Variants in MALRD1 observed in about 807,000 individuals in gnomAD.
MALRD1 encodes MAM and LDL-receptor class A domain-containing protein 1.
In MALRD1, 247 loss-of-function variants were observed where a neutral mutation model predicts 242.1. The ratio of observed to expected loss-of-function variants is 1.02; its 90% CI spans 0.92 to 1.13. The LOEUF is 1.13. Ranked by LOEUF, MALRD1 falls within the 50% of genes most tolerant of loss-of-function variation. The pLI is 0.00. For synonymous variants in MALRD1, 995 were observed against 866.6 expected (o/e 1.15, Z -2.60); for missense variants, 2,989 against 2,533.1 (o/e 1.18, Z -3.86).
At chr10:19,257,569 G>A (rs1211766332) in intron 18 of MALRD1, 115 bp from the exon 19 acceptor site, 3 of 801,526 alleles carry the variant, frequency 3.7e-6, no homozygotes, top group Middle Eastern at 3.8e-4. Flanking sequence ...TTTTTTAATG[G>A]CACAGAAGGT....
intron 2 of MALRD1, among the ~76,000 whole-genome samples, chr10:19,070,432 A>G (rs1835108490): frequency 6.6e-6 from 1 of 152,160 alleles, no homozygotes; most frequent in African/African-American, 2.4e-5. Context: ...CTAAAGATAT[A>G]TCACTTTTTC....
chr10:19,170,844 C>A (rs944530007), intron 13 of MALRD1, among the ~76,000 whole-genome samples: 2 of 152,054 alleles, frequency 1.3e-5, no homozygotes, highest in Non-Finnish European at 2.9e-5. Flanking sequence ...GCATCATCTT[C>A]ACAGGATTAA....
At chr10:19,662,322 CT>C (rs2131736072) in intron 36 of MALRD1, among the ~76,000 whole-genome samples, 1 of 152,254 alleles carries the variant, frequency 6.6e-6, no homozygotes, top group Admixed American at 6.5e-5. Flanking sequence ...AAAGTCTCCA[CT>C]GAGGCTCTCC....
At chr10:19,601,063 G>A (rs1384588243) in intron 34 of MALRD1, among the ~76,000 whole-genome samples, 1 of 151,996 alleles carries the variant, frequency 6.6e-6, no homozygotes, top group Non-Finnish European at 1.5e-5. Context: ...AACAAAATTT[G>A]TAGAGGTAGG....
upstream of MALRD1, among the ~76,000 whole-genome samples, chr10:19,047,570 G>A (rs1834369361): frequency 1.3e-5 from 2 of 151,990 alleles, no homozygotes; most frequent in Non-Finnish European, 2.9e-5. Flanking sequence ...TAAGGGACAA[G>A]CAAAGAAAAA....
intron 29 of MALRD1, among the ~76,000 whole-genome samples, chr10:19,459,576 G>C (rs1589113690): frequency 6.6e-6 from 1 of 152,020 alleles, no homozygotes; most frequent in East Asian, 1.9e-4. Flanking sequence ...CTATGTGATT[G>C]AGTTTATTAT....
chr10:19,272,203 A>G (rs1031113552), intron 19 of MALRD1, among the ~76,000 whole-genome samples: 13 of 152,052 alleles, frequency 8.5e-5, no homozygotes, highest in Non-Finnish European at 1.9e-4. Flanking sequence ...ATATTAGAGA[A>G]AAAAATTAGA....
chr10:19,537,229 TAAAAGGGCTGTTTGGCTGCTATATGG>T (rs895877914), intron 32 of MALRD1, among the ~76,000 whole-genome samples: 25 of 152,246 alleles, frequency 1.6e-4, no homozygotes, highest in Middle Eastern at 3.4e-3. Context: ...TAAAAATATG[TAAAAGGGCTGTTTGGCTGCTATATGG>T]AAAAGGGCTG....
rs934072625 is a variant in MALRD1, at chr10:19,595,427, T to C, written c.5914T>C (p.Cys1972Arg). The change falls in exon 34 of 40, where the codon TGC (cysteine) becomes CGC (arginine). Residue 1972 changes from cysteine to arginine, a missense_variant. Physicochemically the swap from Cys to Arg is radical, Grantham distance 180. Coordinates refer to ENST00000454679, the MANE Select transcript of MALRD1 (RefSeq NM_001142308.3). ...CCTGCTATGCGATGGAGTGCCCGAC[T>C]GCCACTTTAATGAAGATGAGCTCAT... Reference protein sequence around the residue: ...SLLLCDGVPDCHFNEDELICS... With the variant: ...SLLLCDGVPDRHFNEDELICS... 9 of 1,550,180 alleles carry C rather than the reference T, an allele frequency of 5.8e-6. No homozygotes were observed. In the African/African-American group the frequency reaches 1.2e-4, roughly 21 times the overall value.
intron 36 of MALRD1, among the ~76,000 whole-genome samples, chr10:19,620,310 C>T (rs1051703033): frequency 1.3e-5 from 2 of 152,018 alleles, no homozygotes; most frequent in African/African-American, 2.4e-5. Context: ...TTATCCTCAC[C>T]GTCCTCCCAC....
intron 28 of MALRD1, among the ~76,000 whole-genome samples, chr10:19,410,937 C>T (rs1221059667): frequency 1.3e-5 from 2 of 151,988 alleles, no homozygotes; most frequent in Non-Finnish European, 2.9e-5. Context: ...AGCTATATGA[C>T]CATGTGGATT....
chr10:19,291,068 G>C (rs1409857692), intron 21 of MALRD1, among the ~76,000 whole-genome samples: 3 of 152,142 alleles, frequency 2.0e-5, no homozygotes, highest in Non-Finnish European at 4.4e-5. Context: ...CTGGAATCTA[G>C]AGAGCAAAGT....
At chr10:19,612,348 CCT>C (rs1186306408) in intron 35 of MALRD1, among the ~76,000 whole-genome samples, 5 of 151,796 alleles carry the variant, frequency 3.3e-5, no homozygotes, top group African/African-American at 4.8e-5. Context: ...ACCTTACTCC[CCT>C]GTTTTATGTA....
At chr10:19,715,153 C>T (rs2131885347) in intron 38 of MALRD1, among the ~76,000 whole-genome samples, 1 of 152,042 alleles carries the variant, frequency 6.6e-6, no homozygotes, top group South Asian at 2.1e-4. Flanking sequence ...AAATTTATTG[C>T]TCCTTATTTC....
chr10:19,254,500 G>T (rs1564505553), intron 18 of MALRD1, among the ~76,000 whole-genome samples: 2 of 151,906 alleles, frequency 1.3e-5, no homozygotes, highest in Non-Finnish European at 2.9e-5. Flanking sequence ...TCATATAAAA[G>T]TGTATGTTTA....
chr10:19,272,990 A>T (rs995624624), intron 19 of MALRD1, among the ~76,000 whole-genome samples: 1 of 152,176 alleles, frequency 6.6e-6, no homozygotes, highest in Admixed American at 6.5e-5. Flanking sequence ...TGCAATAAAC[A>T]TATGTGTGCA....
intron 2 of MALRD1, among the ~76,000 whole-genome samples, chr10:19,072,126 A>G (rs1197655308): frequency 6.6e-6 from 1 of 152,202 alleles, no homozygotes; most frequent in Non-Finnish European, 1.5e-5. Flanking sequence ...TCACAACGTG[A>G]CAAGGATACG....
chr10:19,628,773 A>G lies in MALRD1; in HGVS notation c.6137+12850A>G, dbSNP rs553591845. On this transcript the variant is annotated intron_variant, in intron 36 of 39. Transcript: ENST00000454679. ...GTTGCTAATTTTTCAGGTAAGAAAC[A>G]AAGGAAAAAAGAGTTTTTATATTTT... 2.6e-5 allele frequency among the ~76,000 whole-genome samples: 4 copies of G among 152,286 alleles called. No individual in the cohort carries two copies. In the South Asian group the frequency reaches 8.3e-4, roughly 32 times the overall value.
At chr10:19,109,183 C>G (rs1836584482) in intron 5 of MALRD1, among the ~76,000 whole-genome samples, 1 of 152,154 alleles carries the variant, frequency 6.6e-6, no homozygotes, top group Non-Finnish European at 1.5e-5. Context: ...TGTGCAGCTC[C>G]TTGGACAAGC....
Sources: allele counts gnomAD v4.1 joint callset (sites outside exome capture counted in the v4.1 genomes callset), GRCh38; gene constraint gnomAD v4.1.1; transcripts MANE v1.5; gene names NCBI Gene and HGNC (gene_info 2026-07-23, HGNC 2026-07-21).